PCDHGA1: variants seen among roughly 807,000 people sequenced by gnomAD.
The protein encoded by PCDHGA1 is protocadherin gamma subfamily A, 1, also known as protocadherin gamma-A1.
PCDHGA1 carries 32 observed loss-of-function variants against 58.0 expected under a neutral mutation model. The observed-to-expected ratio is 0.55, with a 90% CI of 0.42 to 0.74. PCDHGA1 has a LOEUF of 0.74. Among genes scored for constraint, PCDHGA1 ranks in the 30% least tolerant of loss-of-function variants. The probability of loss-of-function intolerance (pLI) is 0.00; values close to 1 mark genes in which losing one functional copy is unlikely to be tolerated. For synonymous variants in PCDHGA1, 498 were observed against 501.1 expected (o/e 0.99, Z 0.08); for missense variants, 1,205 against 1,182.3 (o/e 1.02, Z -0.28).
chr5:141,422,317 G>A (rs1266672163), intron 1 of PCDHGA1: 2 of 1,548,092 alleles, frequency 1.3e-6, no homozygotes, highest in Non-Finnish European at 1.7e-6. Context: ...CTCTCCTCCA[G>A]GTACAGTGAT....
At chr5:141,345,148 A>C (rs1757527696) in intron 1 of PCDHGA1, 1 of 1,614,046 alleles carries the variant, frequency 6.2e-7, no homozygotes, top group African/African-American at 1.3e-5. Context: ...ATCGACGTGC[A>C]TGACCGAGAT....
At chr5:141,395,179 A>G in intron 1 of PCDHGA1, 1 of 1,614,164 alleles carries the variant, frequency 6.2e-7, no homozygotes, top group Non-Finnish European at 8.5e-7. Flanking sequence ...GAGAAAAATG[A>G]TTCTTTGTTA....
At position 141,431,363 on chromosome 5, in the gene PCDHGA1, C is replaced by T. The variant is rs765751691; in HGVS notation, c.2422-63444C>T. On this transcript the variant is annotated intron_variant, in intron 1 of 3. Transcript: ENST00000517417. The surrounding 1 kb of genome is among the most constrained non-coding windows in gnomAD (Gnocchi z 4.8). The stretch of plus-strand genomic sequence containing the variant: ...ATTGGTGCTGAAACGCGCCCTGGAC[C>T]GCGAAGAAAAGGCTGCTCACCACCT... 1 of 1,614,024 alleles carries T rather than the reference C, an allele frequency of 6.2e-7. No homozygotes were observed. The highest frequency in any genetic ancestry group is 2.2e-5 in the East Asian group (1 of 44,882).
At chr5:141,414,567 T>C in intron 1 of PCDHGA1, 1 of 1,613,962 alleles carries the variant, frequency 6.2e-7, no homozygotes, top group Non-Finnish European at 8.5e-7. Context: ...ACTTTACCTA[T>C]ATCCCAGAGA....
At chr5:141,406,259 ATCT>A (rs1419106691) in intron 1 of PCDHGA1, among the ~76,000 whole-genome samples, 1 of 151,904 alleles carries the variant, frequency 6.6e-6, no homozygotes, top group East Asian at 1.9e-4. Flanking sequence ...GTCTCAAACG[ATCT>A]TCCTGCTTCA....
chr5:141,434,517 G>A (rs1476955199), intron 1 of PCDHGA1, among the ~76,000 whole-genome samples: 1 of 152,212 alleles, frequency 6.6e-6, no homozygotes, highest in East Asian at 1.9e-4. Context: ...GCTTAAAGGT[G>A]TTCTTAAACC....
chr5:141,388,254 G>A, intron 1 of PCDHGA1: 2 of 1,568,962 alleles, frequency 1.3e-6, no homozygotes, highest in South Asian at 1.1e-5. Context: ...TGTGGAGATC[G>A]AGGACATTAA....
chr5:141,393,520 A>G, intron 1 of PCDHGA1: 2 of 1,614,038 alleles, frequency 1.2e-6, no homozygotes, highest in Non-Finnish European at 1.7e-6. Context: ...TTGGATACAA[A>G]TGACAATGCC....
intron 1 of PCDHGA1, among the ~76,000 whole-genome samples, chr5:141,463,632 T>C (rs2099065676): frequency 6.6e-6 from 1 of 151,822 alleles, no homozygotes; most frequent in Admixed American, 6.6e-5. Flanking sequence ...GTATTTTGTT[T>C]AGTAGAGACG....
At chr5:141,463,103 A>G (rs1235750988) in intron 1 of PCDHGA1, among the ~76,000 whole-genome samples, 1 of 152,206 alleles carries the variant, frequency 6.6e-6, no homozygotes, top group African/African-American at 2.4e-5. Context: ...GTGACCATCA[A>G]GAATTCAGCT....
intron 2 of PCDHGA1, among the ~76,000 whole-genome samples, chr5:141,495,725 C>G (rs1339925752): frequency 1.3e-5 from 2 of 151,986 alleles, no homozygotes; most frequent in African/African-American, 4.8e-5. Flanking sequence ...TACACGGGAC[C>G]CTTAGTCTCT....
Position 141,511,186 on chromosome 5 carries a change from G to A in PCDHGA1, c.*13G>A. 1 of 1,613,906 alleles carries A rather than the reference G, an allele frequency of 6.2e-7. No individual in the cohort carries two copies. The highest frequency in any genetic ancestry group is 8.5e-7 in the Non-Finnish European group (1 of 1,179,890). ...GGAGAAGAAGTAACATGGAGGCCAG[G>A]CCAAGAGCCACAGGGCGGCCTCTCC... On this transcript the variant is annotated 3_prime_UTR_variant, in exon 4 of 4. Transcript: ENST00000517417.
chr5:141,370,843 C>A (rs765653454), intron 1 of PCDHGA1: 1 of 1,614,052 alleles, frequency 6.2e-7, no homozygotes, highest in South Asian at 1.1e-5. Flanking sequence ...CTCACTGGAG[C>A]CACATTTGCC....
chr5:141,431,127 T>C lies in PCDHGA1; in HGVS notation c.2422-63680T>C, dbSNP rs1455709617. ...AAAATATATGGAGTAGAAGTAGAAG[T>C]AAGGGACATTAACGACAATGCGCCT... On this transcript the variant is annotated intron_variant, in intron 1 of 3. Transcript: ENST00000517417. This position sits in a 1 kb window ranked among gnomAD's most constrained non-coding sequence, Gnocchi z 4.8. 1 of 1,614,176 alleles carries C rather than the reference T, an allele frequency of 6.2e-7. No individual in the cohort carries two copies. Among genetic ancestry groups the C allele is most frequent in the East Asian group, 2.2e-5 (1 of 44,878 alleles).
intron 1 of PCDHGA1, chr5:141,351,029 T>C: frequency 6.2e-7 from 1 of 1,614,044 alleles, no homozygotes; most frequent in Non-Finnish European, 8.5e-7. Context: ...GTGGGGAACC[T>C]CCGTGCTGCG....
At chr5:141,399,842 A>G (rs749737928) in intron 1 of PCDHGA1, 11 of 1,612,852 alleles carry the variant, frequency 6.8e-6, no homozygotes, top group Non-Finnish European at 8.5e-7. Flanking sequence ...GCGCTCTTCG[A>G]TATGGTGCCG....
Position 141,477,626 on chromosome 5 carries a change from G to C in PCDHGA1, c.2422-17181G>C. The C allele has an allele frequency of 1.2e-6, 2 of 1,614,170 alleles. No homozygotes were observed. Among genetic ancestry groups the C allele is most frequent in the Non-Finnish European group, 1.7e-6 (2 of 1,180,036 alleles). ...TCTCTTGGAGCAAGGAGCTGAAACCGGGCTAGTGGGTCGCTATTTCACAAT... is the reference window on the plus strand; with the variant it reads ...TCTCTTGGAGCAAGGAGCTGAAACCCGGCTAGTGGGTCGCTATTTCACAAT... On this transcript the variant is annotated intron_variant, in intron 1 of 3. Transcript: ENST00000517417. The surrounding 1 kb of genome is among the most constrained non-coding windows in gnomAD (Gnocchi z 4.9).
At chr5:141,447,535 G>C (rs1366016262) in intron 1 of PCDHGA1, among the ~76,000 whole-genome samples, 1 of 152,162 alleles carries the variant, frequency 6.6e-6, no homozygotes, top group African/African-American at 2.4e-5. Flanking sequence ...AAATTGTTGG[G>C]TTTTAATGTT....
chr5:141,452,830 T>A (rs2098749929), intron 1 of PCDHGA1, among the ~76,000 whole-genome samples: 1 of 152,166 alleles, frequency 6.6e-6, no homozygotes, highest in South Asian at 2.1e-4. Context: ...CAAAATCACT[T>A]GGTCCAGCCC....
Sources: gnomAD v4.1 joint callset for allele counts (sites outside exome capture counted in the v4.1 genomes callset) on GRCh38, gnomAD v4.1.1 for gene constraint, Gnocchi (gnomAD v3.1) non-coding constraint, MANE v1.5 for transcripts, NCBI Gene and HGNC (gene_info 2026-07-23, HGNC 2026-07-21) for gene names.